Variants in TESK2 observed in about 807,000 individuals in gnomAD.
TESK2 encodes the protein dual specificity testis-specific protein kinase 2.
In TESK2, 39 loss-of-function variants were observed where a neutral mutation model predicts 57.1. That is an observed-to-expected ratio of 0.68 (90% CI 0.53 to 0.89). The LOEUF is 0.89. Ranked by LOEUF, TESK2 falls within the 40% of genes least tolerant of loss-of-function variation. The pLI is 0.00. For synonymous variants in TESK2, 249 were observed against 267.9 expected, an observed-to-expected ratio of 0.93 and a Z score of 0.69; for missense variants, 646 against 732.1, an observed-to-expected ratio of 0.88 and a Z score of 1.36.
chr1:45,429,745 A>T (rs766032381), intron 2 of TESK2, among the ~76,000 whole-genome samples: 4 of 152,170 alleles, frequency 2.6e-5, no homozygotes, highest in Non-Finnish European at 5.9e-5. Context: ...CAATCACCCA[A>T]ACTGACCAGC....
At chr1:45,371,737 G>A (rs1330730937) in intron 4 of TESK2, among the ~76,000 whole-genome samples, 2 of 151,616 alleles carry the variant, frequency 1.3e-5, no homozygotes, top group African/African-American at 4.8e-5. Flanking sequence ...GCATGGTGAT[G>A]CACGCCTGTA....
At chr1:45,477,676 A>AGTAAACT (rs112415718) in intron 1 of TESK2, among the ~76,000 whole-genome samples, 115 of 152,092 alleles carry the variant, frequency 7.6e-4, no homozygotes, top group Non-Finnish European at 1.4e-3. Flanking sequence ...GCCAGAAGGA[A>AGTAAACT]GCAACCTGTA....
rs181218767 is a variant in TESK2, at chr1:45,404,604, C to T, written c.344+17121G>A. Among the ~76,000 whole-genome samples, 279 of 150,484 alleles carry T rather than the reference C, an allele frequency of 1.9e-3. 4 individuals are homozygous for T. In the East Asian group the frequency reaches 0.03, roughly 16 times the overall value. ...GATCACCCAGGCTGGATTGCAGTGG[C>T]GCGATCTTGGCTCACTGCAACCTCC... On this transcript the variant is annotated intron_variant, in intron 3 of 10. Transcript: ENST00000372086.
intron 2 of TESK2, among the ~76,000 whole-genome samples, chr1:45,422,615 T>C (rs1428099698): frequency 6.6e-6 from 1 of 151,964 alleles, no homozygotes; most frequent in Non-Finnish European, 1.5e-5. Flanking sequence ...GGCTAATTTT[T>C]GTATTTTTAG....
chr1:45,400,380 T>C (rs1213349872), intron 3 of TESK2, among the ~76,000 whole-genome samples: 1 of 152,220 alleles, frequency 6.6e-6, no homozygotes, highest in Admixed American at 6.5e-5. Flanking sequence ...AGTGAGACTC[T>C]TGTCAGACCT....
chr1:45,443,875 A>G (rs1482833022), intron 2 of TESK2, among the ~76,000 whole-genome samples: 1 of 152,162 alleles, frequency 6.6e-6, no homozygotes, highest in Non-Finnish European at 1.5e-5. Flanking sequence ...AGGGTAAAAC[A>G]GTAAATATCT....
intron 1 of TESK2, among the ~76,000 whole-genome samples, chr1:45,470,598 T>C (rs1032284537): frequency 6.6e-6 from 1 of 152,230 alleles, no homozygotes; most frequent in Non-Finnish European, 1.5e-5. Context: ...TCATATTTGC[T>C]GTGTAACTTC....
intron 1 of TESK2, among the ~76,000 whole-genome samples, chr1:45,469,897 G>T (rs953287635): frequency 6.6e-6 from 1 of 152,090 alleles, no homozygotes; most frequent in African/African-American, 2.4e-5. Flanking sequence ...CAATAGTCCA[G>T]ACACAAATTT....
chr1:45,428,816 A>T (rs868429915), intron 2 of TESK2, among the ~76,000 whole-genome samples: 58 of 82,574 alleles, frequency 7.0e-4, no homozygotes, highest in South Asian at 9.4e-4. Context: ...TAAATTCCTG[A>T]TTTTTTTTTT....
intron 1 of TESK2, among the ~76,000 whole-genome samples, chr1:45,459,922 G>A (rs987999991): frequency 2.0e-5 from 3 of 152,190 alleles, no homozygotes; most frequent in African/African-American, 7.2e-5. Context: ...CAACATGGAT[G>A]CAGCTGGAAG....
At chr1:45,446,998 A>C (rs1367870249) in intron 2 of TESK2, among the ~76,000 whole-genome samples, 1 of 152,234 alleles carries the variant, frequency 6.6e-6, no homozygotes, top group Non-Finnish European at 1.5e-5. Flanking sequence ...TAGGGGGATC[A>C]TGTAAGCCCA....
intron 2 of TESK2, 61 bp downstream of exon 2, chr1:45,457,496 ACAACTAT>A: frequency 2.1e-6 from 3 of 1,441,202 alleles, no homozygotes; most frequent in South Asian, 2.3e-5. Context: ...CTAATTAAAC[ACAACTAT>A]CAACCTGCAG....
chr1:45,424,309 G>A (rs1024367438), intron 2 of TESK2, among the ~76,000 whole-genome samples: 4 of 152,138 alleles, frequency 2.6e-5, no homozygotes, highest in Non-Finnish European at 5.9e-5. Context: ...AGGCAGAAGA[G>A]GGAAGGCTGT....
intron 3 of TESK2, among the ~76,000 whole-genome samples, chr1:45,414,329 G>A (rs528046858): frequency 6.6e-6 from 1 of 152,240 alleles, no homozygotes; most frequent in Non-Finnish European, 1.5e-5. Context: ...CCATCAGAGG[G>A]CAAACCCACG....
intron 2 of TESK2, among the ~76,000 whole-genome samples, chr1:45,445,156 A>G (rs1651596800): frequency 6.6e-6 from 1 of 152,078 alleles, no homozygotes; most frequent in African/African-American, 2.4e-5. Flanking sequence ...ACCACCATCT[A>G]GTAACTAACT....
intron 1 of TESK2, among the ~76,000 whole-genome samples, chr1:45,461,520 A>G (rs1175638689): frequency 6.6e-6 from 1 of 152,214 alleles, no homozygotes; most frequent in Non-Finnish European, 1.5e-5. Flanking sequence ...CTTCCATTTC[A>G]TTATTACTTA....
chr1:45,410,293 A>G (rs934996214), intron 3 of TESK2, among the ~76,000 whole-genome samples: 3 of 152,024 alleles, frequency 2.0e-5, no homozygotes, highest in Non-Finnish European at 4.4e-5. Context: ...TTTTTTTTCA[A>G]CCTTCAACAG....
At chr1:45,384,190 T>C (rs1047362948) in intron 4 of TESK2, among the ~76,000 whole-genome samples, 3 of 152,164 alleles carry the variant, frequency 2.0e-5, no homozygotes, top group Admixed American at 6.5e-5. Context: ...CTTGAAACTC[T>C]TTCCTTTTCA....
intron 2 of TESK2, among the ~76,000 whole-genome samples, chr1:45,439,964 C>CTT (rs532183676): frequency 1.4e-5 from 2 of 144,538 alleles, no homozygotes; most frequent in Non-Finnish European, 1.5e-5. Flanking sequence ...CCCACTGCCA[C>CTT]TTTTTTTTTT....
Sources: gnomAD v4.1 joint callset for allele counts (sites outside exome capture counted in the v4.1 genomes callset) on GRCh38, gnomAD v4.1.1 for gene constraint, MANE v1.5 for transcripts, NCBI Gene and HGNC (gene_info 2026-07-23, HGNC 2026-07-21) for gene names.